Variants in HDGFL3 observed in about 807,000 individuals in gnomAD.
HDGFL3 encodes HDGF like 3.
A neutral mutation model predicts 27.6 loss-of-function variants in HDGFL3; 6 were observed. That is an observed-to-expected ratio of 0.22 (90% CI 0.12 to 0.43). The LOEUF (loss-of-function observed/expected upper bound fraction) is 0.43. HDGFL3 is among the 20% of genes least tolerant of loss of function. The pLI is 1.00. For missense variants in HDGFL3, 207 were observed against 250.1 expected, an observed-to-expected ratio of 0.83 and a Z score of 1.16; for synonymous variants, 88 against 88.9, an observed-to-expected ratio of 0.99 and a Z score of 0.05.
intron 1 of HDGFL3, among the ~76,000 whole-genome samples, chr15:83,194,937 G>C (rs1264982260): frequency 6.6e-6 from 1 of 152,088 alleles, no homozygotes; most frequent in Non-Finnish European, 1.5e-5. Context: ...TTGCCTGCAG[G>C]GAAGGAAAAA....
rs888244638 is a variant in HDGFL3 at position 83,128,322 on chromosome 15, C to A, written c.*10948G>T. 4 of 152,096 alleles carry A rather than the reference C, an allele frequency of 2.6e-5. No homozygotes were observed. The highest frequency in any genetic ancestry group is 9.7e-5 in the African/African-American group (4 of 41,396). The allele number at this position is 152,096 out of a possible 1,614,324, so 9.4% of individuals were successfully genotyped here. On this transcript the variant is annotated 3_prime_UTR_variant, in exon 6 of 6. Transcript: ENST00000299633. ...TATTTAAGGGGTCAATGCATTAAAT[C>A]CTTTCAGTTTGAGGTAATTCTTAAT... is the stretch of plus-strand genomic sequence containing the variant.
At chr15:83,120,587 CTTTTTTT>C (rs993490763) in intron 3 of HDGFL3, among the ~76,000 whole-genome samples, 1 of 125,958 alleles carries the variant, frequency 7.9e-6, no homozygotes, top group Admixed American at 8.2e-5. Context: ...CCAGCTAATT[CTTTTTTT>C]TTTTTTTTTT....
intron 1 of HDGFL3, among the ~76,000 whole-genome samples, chr15:83,181,834 C>G (rs567685166): frequency 1.3e-5 from 2 of 152,080 alleles, no homozygotes; most frequent in Non-Finnish European, 2.9e-5. Context: ...AACGCTGCAC[C>G]CTCCTCCTCC....
At chr15:83,190,284 T>C (rs192558710) in intron 1 of HDGFL3, among the ~76,000 whole-genome samples, 1 of 152,078 alleles carries the variant, frequency 6.6e-6, no homozygotes, top group East Asian at 1.9e-4. Context: ...AAAATTCTTG[T>C]ACATATCTTC....
Position 83,180,643 on chromosome 15 carries a change from ATTTTTT to A in HDGFL3, c.85-16574_85-16569del, listed in dbSNP as rs34952033. ...GGTTTAATAAACATGTAACTTATCAATTTTTTTTTTTTTTTTTTTTGAGACGGAGTC... is the reference window on the plus strand; with the variant it reads ...GGTTTAATAAACATGTAACTTATCAATTTTTTTTTTTTTTGAGACGGAGTC... On this transcript the variant is annotated intron_variant, in intron 1 of 5. Coordinates refer to ENST00000299633, the MANE Select transcript of HDGFL3 (RefSeq NM_016073.4). 2.0e-3 allele frequency among the ~76,000 whole-genome samples: 249 copies of A among 126,364 alleles called. 1 individual carries two copies. Among genetic ancestry groups the A allele is most frequent in the Non-Finnish European group, 3.0e-3 (185 of 61,736 alleles). The allele number at this position is 126,364 out of a possible 152,430, so 82.9% of individuals were successfully genotyped here. A position where few individuals can be genotyped will look rare whatever the true frequency, so the allele number is the denominator to read the frequency against.
Position 83,137,317 on chromosome 15 carries a change from T to C in HDGFL3, c.*1953A>G, listed in dbSNP as rs895910014. 1 of 152,182 alleles carries C rather than the reference T, an allele frequency of 6.6e-6. No individual in the cohort carries two copies. The highest frequency in any genetic ancestry group is 2.4e-5 in the African/African-American group (1 of 41,456). The allele number at this position is 152,182 out of a possible 1,614,324, so 9.4% of individuals were successfully genotyped here. ...TTGGTGGCTGGAAATATTTCTATTGTATTTCTGTGTATATTTTTAATAAAA... is the reference window on the plus strand; with the variant it reads ...TTGGTGGCTGGAAATATTTCTATTGCATTTCTGTGTATATTTTTAATAAAA... On this transcript the variant is annotated 3_prime_UTR_variant, in exon 6 of 6. Transcript: ENST00000299633.
chr15:83,202,851 T>G (rs2037665296), intron 1 of HDGFL3, among the ~76,000 whole-genome samples: 1 of 152,132 alleles, frequency 6.6e-6, no homozygotes, highest in Non-Finnish European at 1.5e-5. Context: ...TCCTTTTTAT[T>G]GTCAAATAGT....
intron 1 of HDGFL3, among the ~76,000 whole-genome samples, chr15:83,195,021 G>C (rs1461644721): frequency 6.6e-6 from 1 of 152,134 alleles, no homozygotes; most frequent in Non-Finnish European, 1.5e-5. Flanking sequence ...AGACTATATA[G>C]TTGTATTACA....
intron 5 of HDGFL3, among the ~76,000 whole-genome samples, chr15:83,143,565 G>C (rs546226062): frequency 3.0e-4 from 46 of 152,276 alleles, no homozygotes; most frequent in Non-Finnish European, 5.7e-4. Flanking sequence ...CTGGGCGACA[G>C]AGCGAAACTC....
rs1447423707 is a variant in HDGFL3, at chr15:83,136,196, G to A, written c.*3074C>T. ...TTGAGCCACTAATGTTCGGTAAGGG[G>A]CACTTGATGGTTAAAAAACACAACT... is the stretch of plus-strand genomic sequence containing the variant. On this transcript the variant is annotated 3_prime_UTR_variant, in exon 6 of 6. Transcript: ENST00000299633. 7.5e-6 allele frequency: 2 copies of A among 265,734 alleles called. No individual in the cohort carries two copies. Among genetic ancestry groups the A allele is most frequent in the African/African-American group, 4.4e-5 (2 of 45,620 alleles). 16.5% of individuals were successfully genotyped at this position (265,734 alleles called of 1,614,324 possible).
chr15:83,201,216 AAC>A (rs1437195842), intron 1 of HDGFL3, among the ~76,000 whole-genome samples: 6 of 152,136 alleles, frequency 3.9e-5, no homozygotes, highest in African/African-American at 4.8e-5. Context: ...ATGAGTTGCA[AAC>A]AGACATGTTT....
intron 4 of HDGFL3, among the ~76,000 whole-genome samples, chr15:83,155,579 T>G (rs942894981): frequency 6.6e-6 from 1 of 152,240 alleles, no homozygotes; most frequent in Non-Finnish European, 1.5e-5. Flanking sequence ...CTAATTACTT[T>G]GTCGTCATTT....
At chr15:83,193,669 G>A (rs899444758) in intron 1 of HDGFL3, among the ~76,000 whole-genome samples, 15 of 152,274 alleles carry the variant, frequency 9.9e-5, no homozygotes, top group South Asian at 2.1e-4. Context: ...TCAATTTACC[G>A]TTGCCAGCAC....
chr15:83,151,125 C>T (rs2036958653), intron 5 of HDGFL3, 90 bp downstream of exon 5: 6 of 1,189,734 alleles, frequency 5.0e-6, no homozygotes, highest in South Asian at 2.8e-5. Context: ...TTTATCAACA[C>T]AATGTTTACT....
chr15:83,130,637 A>G lies in HDGFL3; in HGVS notation c.*8633T>C, dbSNP rs1390060990. ...CTTGGCTGAGCTTTAATATCTACCC[A>G]CTTATAGTGTGTAGGCTAAGGAAAA... On this transcript the variant is annotated 3_prime_UTR_variant, in exon 6 of 6. Coordinates refer to ENST00000299633, the MANE Select transcript of HDGFL3 (RefSeq NM_016073.4). 6.6e-6 allele frequency: 1 copy of G among 152,224 alleles called. No homozygotes were observed. Among genetic ancestry groups the G allele is most frequent in the Non-Finnish European group, 1.5e-5 (1 of 68,046 alleles). The allele number at this position is 152,224 out of a possible 1,614,324, so 9.4% of individuals were successfully genotyped here.
Position 83,137,601 on chromosome 15 carries a change from T to G in HDGFL3, c.*1669A>C, listed in dbSNP as rs771890852. ...TATTAGATCGACATCCCTACTATCT[T>G]TTTATGAACTTTTCATGTTTGGGAT... On this transcript the variant is annotated 3_prime_UTR_variant, in exon 6 of 6. Transcript: ENST00000299633. The G allele has an allele frequency of 2.0e-5, 3 of 152,166 alleles. No individual in the cohort carries two copies. Among genetic ancestry groups the G allele is most frequent in the Non-Finnish European group, 4.4e-5 (3 of 68,002 alleles). The allele number at this position is 152,166 out of a possible 1,614,324, so 9.4% of individuals were successfully genotyped here. A position where few individuals can be genotyped will look rare whatever the true frequency, so the allele number is the denominator to read the frequency against.
At chr15:83,194,587 T>A (rs1261810977) in intron 1 of HDGFL3, among the ~76,000 whole-genome samples, 4 of 152,330 alleles carry the variant, frequency 2.6e-5, no homozygotes, top group East Asian at 1.9e-4. Flanking sequence ...AATTTTTTTT[T>A]AATTACAATG....
At chr15:83,116,364 C>T (rs1314172118) in intron 3 of HDGFL3, among the ~76,000 whole-genome samples, 1 of 152,222 alleles carries the variant, frequency 6.6e-6, no homozygotes, top group Non-Finnish European at 1.5e-5. Flanking sequence ...CTTGCACTCT[C>T]CACCATGCTG....
At chr15:83,194,142 C>T (rs1227964996) in intron 1 of HDGFL3, among the ~76,000 whole-genome samples, 1 of 152,078 alleles carries the variant, frequency 6.6e-6, no homozygotes, top group South Asian at 2.1e-4. Flanking sequence ...GCATCATTCA[C>T]AATAACCAAA....
Sources: gnomAD v4.1 joint callset for allele counts (sites outside exome capture counted in the v4.1 genomes callset) on GRCh38, gnomAD v4.1.1 for gene constraint, MANE v1.5 for transcripts, NCBI Gene and HGNC (gene_info 2026-07-23, HGNC 2026-07-21) for gene names.